The following IFT140 variants were observed in gnomAD, a reference collection of about 807,000 sequenced individuals.
IFT140 encodes the protein intraflagellar transport protein 140 homolog.
In IFT140, 133 loss-of-function variants were observed where a neutral mutation model predicts 164.6. That is an observed-to-expected ratio of 0.81 (90% CI 0.70 to 0.93). IFT140 has a LOEUF of 0.93. Among genes scored for constraint, IFT140 ranks in the 40% least tolerant of loss-of-function variants. The pLI is 0.00. For missense variants in IFT140, 2,045 were observed against 1,972.3 expected (o/e 1.04, Z -0.70); for synonymous variants, 860 against 817.3 (o/e 1.05, Z -0.89).
At chr16:1,585,152 G>C (rs540593822) in intron 10 of IFT140, among the ~76,000 whole-genome samples, 9 of 152,196 alleles carry the variant, frequency 5.9e-5, no homozygotes, top group Admixed American at 2.0e-4. Context: ...ACAAGTGTTC[G>C]TAACAGCATT....
At chr16:1,607,504 G>C (rs551601757) in intron 2 of IFT140, among the ~76,000 whole-genome samples, 1 of 152,260 alleles carries the variant, frequency 6.6e-6, no homozygotes, top group East Asian at 1.9e-4. Context: ...GTTAGACCCG[G>C]AATCACCCAG....
intron 4 of IFT140, among the ~76,000 whole-genome samples, chr16:1,596,617 C>T (rs946117644): frequency 6.6e-6 from 1 of 152,184 alleles, no homozygotes; most frequent in Non-Finnish European, 1.5e-5. Flanking sequence ...TGTCTACTAT[C>T]AAGAGCTCAA....
Position 1,518,223 on chromosome 16 carries a change from T to G in IFT140, c.4175A>C (p.Tyr1392Ser). Residue 1392 changes from tyrosine to serine, a missense_variant, in exon 30 of 31, where the codon TAC becomes TCC. By Grantham distance (144) the Tyr-to-Ser change is moderately radical. Coordinates refer to ENST00000426508, the MANE Select transcript of IFT140 (RefSeq NM_014714.4). ...GCAGCACTCAGGCCTCACCGTCTGGTATTCCTCCTTCCGCACGTAGTGCTC... is the reference window on the plus strand; with the variant it reads ...GCAGCACTCAGGCCTCACCGTCTGGGATTCCTCCTTCCGCACGTAGTGCTC... ...LVEHYVRKEE[Y>S]QTAYRFLEEM... 6.2e-7 allele frequency: 1 copy of G among 1,612,586 alleles called. No homozygotes were observed. Among genetic ancestry groups the G allele is most frequent in the Middle Eastern group, 1.8e-4 (1 of 5,510 alleles).
chr16:1,516,237 AT>A (rs1458740423), intron 30 of IFT140, among the ~76,000 whole-genome samples: 33 of 145,324 alleles, frequency 2.3e-4, no homozygotes, highest in African/African-American at 8.1e-4. Flanking sequence ...TTTCCTTTTA[AT>A]TTCTTCAAAA....
chr16:1,542,006 G>A (rs1596331603), intron 19 of IFT140: 10 of 1,611,408 alleles, frequency 6.2e-6, no homozygotes, highest in Non-Finnish European at 8.5e-6. Context: ...TGGGGCTGGT[G>A]GGCCTGCCCC....
In IFT140 at chr16:1,562,832, C is replaced by A. The variant is rs572377802; in HGVS notation, c.2068-716G>T. 1.6e-3 allele frequency among the ~76,000 whole-genome samples: 247 copies of A among 152,170 alleles called. 2 individuals carry two copies. Among genetic ancestry groups the A allele is most frequent in the South Asian group, 3.5e-3 (17 of 4,812 alleles). ...CCACCAACAAAGAGCCCCGACCCTGCTTTCAAGGAACAGGGAACACGCAGC... is the reference window on the plus strand; with the variant it reads ...CCACCAACAAAGAGCCCCGACCCTGATTTCAAGGAACAGGGAACACGCAGC... On this transcript the variant is annotated intron_variant, in intron 17 of 30. Coordinates refer to ENST00000426508, the MANE Select transcript of IFT140 (RefSeq NM_014714.4).
At chr16:1,565,135 C>T (rs918073630) in intron 16 of IFT140, among the ~76,000 whole-genome samples, 5 of 152,060 alleles carry the variant, frequency 3.3e-5, no homozygotes, top group Non-Finnish European at 7.4e-5. Flanking sequence ...ACACGGCAGG[C>T]GCAGAGTCGA....
At chr16:1,581,415 C>T (rs977102292) in intron 12 of IFT140, among the ~76,000 whole-genome samples, 18 of 151,990 alleles carry the variant, frequency 1.2e-4, no homozygotes, top group African/African-American at 4.3e-4. Context: ...GCCTGGCCAA[C>T]ATCGTGGAAT....
chr16:1,584,898 T>C (rs2034787239), intron 10 of IFT140, among the ~76,000 whole-genome samples: 1 of 152,180 alleles, frequency 6.6e-6, no homozygotes, highest in Non-Finnish European at 1.5e-5. Context: ...AAAGTATAAA[T>C]TCCATATAGG....
At position 1,584,636 on chromosome 16, in the gene IFT140, G is replaced by C. The variant is rs146713557; in HGVS notation, c.1156-216C>G. ...AAGACTTCAAGATACTGATGCTCAAGGGTTGTGATTGGACAGGCAGCACTG... is the reference window on the plus strand; with the variant it reads ...AAGACTTCAAGATACTGATGCTCAACGGTTGTGATTGGACAGGCAGCACTG... On this transcript the variant is annotated intron_variant, in intron 10 of 30. Coordinates refer to ENST00000426508, the MANE Select transcript of IFT140 (RefSeq NM_014714.4). Among the ~76,000 whole-genome samples, 371 of 152,290 alleles carry C rather than the reference G, an allele frequency of 2.4e-3. 1 individual carries two copies. The highest frequency in any genetic ancestry group is 8.4e-3 in the African/African-American group (349 of 41,560).
chr16:1,601,720 G>GT (rs577307573), intron 4 of IFT140, among the ~76,000 whole-genome samples: 378 of 152,318 alleles, frequency 2.5e-3, no homozygotes, highest in Non-Finnish European at 4.3e-3. Context: ...AGGATAGGTG[G>GT]TAAGAATGCA....
intron 19 of IFT140, among the ~76,000 whole-genome samples, chr16:1,556,053 C>T (rs1256296271): frequency 1.3e-5 from 2 of 152,162 alleles, no homozygotes; most frequent in Non-Finnish European, 2.9e-5. Context: ...TTGCAGTGAG[C>T]CGAGATTGTG....
chr16:1,527,727 AC>A (rs1160863325), intron 19 of IFT140, among the ~76,000 whole-genome samples: 1 of 152,212 alleles, frequency 6.6e-6, no homozygotes, highest in East Asian at 1.9e-4. Context: ...GTGTGCTACC[AC>A]ACCCAGCTAA....
chr16:1,588,417 T>G (rs576768994), intron 7 of IFT140, among the ~76,000 whole-genome samples: 2 of 151,940 alleles, frequency 1.3e-5, no homozygotes, highest in South Asian at 4.2e-4. Flanking sequence ...CTCAGCTACT[T>G]GGGAGGCTGA....
intron 4 of IFT140, among the ~76,000 whole-genome samples, chr16:1,597,460 G>A (rs1001348471): frequency 1.2e-4 from 18 of 152,184 alleles, no homozygotes; most frequent in African/African-American, 2.7e-4. Context: ...ATACCCCAGC[G>A]GCCTCAGGTT....
intron 19 of IFT140, among the ~76,000 whole-genome samples, chr16:1,557,116 C>T (rs943212987): frequency 7.3e-5 from 11 of 151,632 alleles, no homozygotes; most frequent in African/African-American, 1.9e-4. Flanking sequence ...CACCGTGCCC[C>T]GGCCATATTG....
chr16:1,523,468 G>C, intron 26 of IFT140, 50 bp downstream of exon 26: 3 of 1,573,240 alleles, frequency 1.9e-6, no homozygotes, highest in Non-Finnish European at 2.6e-6. Context: ...CAGGAGACCT[G>C]AGCCGTGGTG....
intron 19 of IFT140, chr16:1,532,323 G>C (rs180676419): frequency 6.6e-6 from 1 of 152,352 alleles, no homozygotes; most frequent in South Asian, 2.1e-4. Context: ...AATCCCCGGG[G>C]AAAATCCCCC....
intron 30 of IFT140, among the ~76,000 whole-genome samples, chr16:1,513,979 C>T (rs985498960): frequency 2.0e-5 from 3 of 151,702 alleles, no homozygotes; most frequent in Non-Finnish European, 4.4e-5. Flanking sequence ...GGCTGCTTCT[C>T]ACAACTTTCT....
Sources: allele counts gnomAD v4.1 joint callset (sites outside exome capture counted in the v4.1 genomes callset), GRCh38; gene constraint gnomAD v4.1.1; transcripts MANE v1.5; gene names NCBI Gene and HGNC (gene_info 2026-07-23, HGNC 2026-07-21).